Variants in TBC1D14 observed in about 807,000 individuals in gnomAD.
TBC1D14 encodes TBC1 domain family member 14.
A neutral mutation model predicts 79.0 loss-of-function variants in TBC1D14; 26 were observed. The observed-to-expected ratio is 0.33, with a 90% confidence interval of 0.24 to 0.46. The LOEUF is 0.46. Ranked by LOEUF, TBC1D14 falls within the 20% of genes least tolerant of loss-of-function variation. TBC1D14 has a pLI of 1.00. For synonymous variants in TBC1D14, 394 were observed against 349.9 expected, an observed-to-expected ratio of 1.13 and a Z score of -1.40; for missense variants, 769 against 887.6, an observed-to-expected ratio of 0.87 and a Z score of 1.70.
chr4:6,923,815 C>G lies in TBC1D14; in HGVS notation c.426C>G (p.Ser142Arg). 1.9e-6 allele frequency: 3 copies of G among 1,614,194 alleles called. No individual in the cohort carries two copies. The highest frequency in any genetic ancestry group is 1.7e-6 in the Non-Finnish European group (2 of 1,180,054). ...RTGYDSVKLY[S>R]PTSKALTRSD... ...GCTATGACTCGGTAAAGCTCTATAG[C>G]CCGACCTCCAAAGCCCTGACCCGCA... Residue 142 changes from serine (S) to arginine (R), a missense_variant, in exon 2 of 14, where the codon AGC becomes AGG. By Grantham distance (110) the Ser-to-Arg change is moderately radical. Transcript: ENST00000409757.
intron 8 of TBC1D14, 119 bp downstream of exon 8, chr4:7,005,043 C>A: frequency 1.1e-6 from 1 of 930,678 alleles, no homozygotes; most frequent in Non-Finnish European, 1.6e-6. Flanking sequence ...TCATAAAAAG[C>A]TCCACGAGAA....
At chr4:7,020,413 GTC>G (rs1721713160) in intron 12 of TBC1D14, among the ~76,000 whole-genome samples, 1 of 152,208 alleles carries the variant, frequency 6.6e-6, no homozygotes, top group Non-Finnish European at 1.5e-5. Context: ...ACCTAGCACT[GTC>G]TAATCTAACT....
At chr4:7,027,846 C>CCA (rs369482936) in intron 13 of TBC1D14, among the ~76,000 whole-genome samples, 1 of 145,482 alleles carries the variant, frequency 6.9e-6, no homozygotes, top group Non-Finnish European at 1.5e-5. Context: ...ACAGGCATAC[C>CCA]CACACACACA....
chr4:6,993,400 TGTGGTTGCA>T (rs1718706864), intron 3 of TBC1D14, among the ~76,000 whole-genome samples: 1 of 152,164 alleles, frequency 6.6e-6, no homozygotes, highest in South Asian at 2.1e-4. Flanking sequence ...AATGAGCTCT[TGTGGTTGCA>T]GTGCACGGGT....
At chr4:6,945,219 C>T (rs1395526392) in intron 2 of TBC1D14, among the ~76,000 whole-genome samples, 3 of 152,030 alleles carry the variant, frequency 2.0e-5, no homozygotes, top group African/African-American at 7.2e-5. Context: ...GGTGTAGGGG[C>T]GGGCCACATG....
chr4:6,940,755 G>A (rs1223391064), intron 2 of TBC1D14, among the ~76,000 whole-genome samples: 3 of 152,186 alleles, frequency 2.0e-5, no homozygotes, highest in African/African-American at 7.2e-5. Flanking sequence ...CTGCCTGGCC[G>A]GCTGGGCGGC....
chr4:7,014,758 G>T (rs1372257280), intron 12 of TBC1D14, among the ~76,000 whole-genome samples: 1 of 152,198 alleles, frequency 6.6e-6, no homozygotes, highest in African/African-American at 2.4e-5. Flanking sequence ...GGGAGAAATG[G>T]TATCTTGGGC....
In TBC1D14 at chr4:6,924,015, A is replaced by G. The variant is rs370842280; in HGVS notation, c.626A>G (p.Lys209Arg). 4 of 1,614,182 alleles carry G rather than the reference A, an allele frequency of 2.5e-6. No homozygotes were observed. Among genetic ancestry groups the G allele is most frequent in the African/African-American group, 1.3e-5 (1 of 75,070 alleles). ...QFTNVTLSSI[K>R]ETRGLHQQDC... ...ACCAACGTCACCTTGAGCTCTATCA[A>G]GGAAACCCGTGGCTTACACCAGCAG... is the stretch of plus-strand genomic sequence containing the variant. Residue 209 changes from lysine to arginine, a missense_variant, in exon 2 of 14, where the codon AAG (lysine) becomes AGG (arginine). Lys to Arg is a conservative substitution (Grantham distance 26). This residue lies in a region of TBC1D14 where 402 missense variants were observed against 393.2 expected (regional missense o/e 1.02). Transcript: ENST00000409757.
intron 3 of TBC1D14, among the ~76,000 whole-genome samples, chr4:6,978,847 T>C (rs981264425): frequency 6.6e-6 from 1 of 150,956 alleles, no homozygotes. Context: ...CCTATTGAGA[T>C]TGATTTGGGG....
intron 2 of TBC1D14, among the ~76,000 whole-genome samples, chr4:6,931,934 G>A (rs1711786661): frequency 6.6e-6 from 1 of 151,934 alleles, no homozygotes; most frequent in African/African-American, 2.4e-5. Flanking sequence ...GATATGTGTT[G>A]GCAGACTTAA....
chr4:6,984,034 G>C (rs1244333710), intron 3 of TBC1D14, among the ~76,000 whole-genome samples: 1 of 151,524 alleles, frequency 6.6e-6, no homozygotes, highest in African/African-American at 2.4e-5. Flanking sequence ...TTCAGGAACA[G>C]GAAACACATT....
At chr4:7,012,976 T>C (rs961004547) in intron 11 of TBC1D14, among the ~76,000 whole-genome samples, 3 of 152,230 alleles carry the variant, frequency 2.0e-5, no homozygotes, top group Non-Finnish European at 2.9e-5. Context: ...AATTTAATTT[T>C]ATCTTTTTAT....
intron 3 of TBC1D14, chr4:6,987,064 A>G: frequency 1.5e-6 from 1 of 687,202 alleles, no homozygotes; most frequent in Non-Finnish European, 1.9e-6. Flanking sequence ...GGGCCGTACC[A>G]CGGGGACGCC....
intron 3 of TBC1D14, among the ~76,000 whole-genome samples, chr4:6,989,557 G>A (rs921648519): frequency 3.3e-5 from 5 of 151,824 alleles, no homozygotes; most frequent in Admixed American, 6.6e-5. Context: ...TGTGTGGCTC[G>A]CCCCTCCTGG....
chr4:7,008,802 G>T (rs1372351788), intron 9 of TBC1D14, among the ~76,000 whole-genome samples: 1 of 152,214 alleles, frequency 6.6e-6, no homozygotes, highest in Non-Finnish European at 1.5e-5. Context: ...GAAAACCTTT[G>T]AAGTTAAACA....
intron 3 of TBC1D14, among the ~76,000 whole-genome samples, chr4:6,976,980 G>C (rs941975510): frequency 1.3e-5 from 2 of 150,322 alleles, no homozygotes; most frequent in African/African-American, 4.9e-5. Context: ...TAAATAAATA[G>C]TTGAGTTCCC....
chr4:6,958,037 A>G (rs1176564187), intron 2 of TBC1D14, among the ~76,000 whole-genome samples: 1 of 152,004 alleles, frequency 6.6e-6, no homozygotes, highest in African/African-American at 2.4e-5. Context: ...CTGCCTAGAA[A>G]TATAACTCAG....
At chr4:6,987,340 G>T in intron 3 of TBC1D14, 1 of 1,423,394 alleles carries the variant, frequency 7.0e-7, no homozygotes, top group South Asian at 1.4e-5. Flanking sequence ...CTAAGGCCCC[G>T]GCGTTCATGG....
intron 9 of TBC1D14, 45 bp from the exon 10 acceptor site, chr4:7,009,832 A>G: frequency 6.4e-7 from 1 of 1,570,468 alleles, no homozygotes; most frequent in Non-Finnish European, 8.8e-7. Context: ...CTGAGCACTA[A>G]CAGTACTCAT....
Sources: gnomAD v4.1 joint callset for allele counts (sites outside exome capture counted in the v4.1 genomes callset) on GRCh38, gnomAD v4.1.1 for gene constraint, gnomAD v4.1.1 regional missense constraint, MANE v1.5 for transcripts, NCBI Gene and HGNC (gene_info 2026-07-23, HGNC 2026-07-21) for gene names.